Variants in LHFPL6 observed in about 807,000 individuals in gnomAD.
LHFPL6 encodes LHFPL tetraspan subfamily member 6, also known as LHFPL tetraspan subfamily member 6 protein.
Under a neutral mutation model 20.6 loss-of-function variants are expected in LHFPL6, and 9 were observed. The observed-to-expected ratio is 0.44, with a 90% CI of 0.26 to 0.76. The LOEUF (loss-of-function observed/expected upper bound fraction) is 0.76, where lower values mean the gene tolerates loss of function less well. Among genes scored for constraint, LHFPL6 ranks in the 30% least tolerant of loss-of-function variants. LHFPL6 has a pLI of 0.20. For missense variants in LHFPL6, 218 were observed against 253.5 expected, an observed-to-expected ratio of 0.86 and a Z score of 0.95; for synonymous variants, 105 against 98.7, an observed-to-expected ratio of 1.06 and a Z score of -0.38.
At chr13:39,495,464 A>T (rs1218131986) in intron 2 of LHFPL6, among the ~76,000 whole-genome samples, 3 of 152,194 alleles carry the variant, frequency 2.0e-5, no homozygotes, top group Admixed American at 1.3e-4. Flanking sequence ...TCATTGAGTG[A>T]TCACAATATT....
At chr13:39,441,687 A>AT (rs1284142292) in intron 2 of LHFPL6, among the ~76,000 whole-genome samples, 1 of 150,644 alleles carries the variant, frequency 6.6e-6, no homozygotes, top group Non-Finnish European at 1.5e-5. Context: ...TAATTACTGT[A>AT]TTTTTTTGTA....
At chr13:39,375,931 G>A (rs1366652541) in intron 3 of LHFPL6, among the ~76,000 whole-genome samples, 1 of 151,852 alleles carries the variant, frequency 6.6e-6, no homozygotes, top group Non-Finnish European at 1.5e-5. Flanking sequence ...AGAAACGCAT[G>A]ATCAGAAATG....
At chr13:39,448,283 T>G (rs1278960009) in intron 2 of LHFPL6, among the ~76,000 whole-genome samples, 1 of 152,212 alleles carries the variant, frequency 6.6e-6, no homozygotes, top group African/African-American at 2.4e-5. Context: ...ATCCTACATA[T>G]CATAATATAA....
chr13:39,457,604 T>G (rs1307689920), intron 2 of LHFPL6, among the ~76,000 whole-genome samples: 1 of 152,214 alleles, frequency 6.6e-6, no homozygotes, highest in Non-Finnish European at 1.5e-5. Context: ...ATTTACCATA[T>G]GACTCTGCAA....
intron 2 of LHFPL6, among the ~76,000 whole-genome samples, chr13:39,580,162 T>C (rs187053050): frequency 8.7e-4 from 133 of 152,126 alleles, no homozygotes; most frequent in African/African-American, 3.0e-3. Context: ...AATCAGACTA[T>C]AAACACATGA....
chr13:39,369,327 A>G (rs1870093684), intron 3 of LHFPL6, among the ~76,000 whole-genome samples: 1 of 152,172 alleles, frequency 6.6e-6, no homozygotes, highest in South Asian at 2.1e-4. Context: ...ACACTGAAAT[A>G]ACCAAGCCAA....
At chr13:39,543,432 C>T (rs969011287) in intron 2 of LHFPL6, among the ~76,000 whole-genome samples, 4 of 152,160 alleles carry the variant, frequency 2.6e-5, no homozygotes, top group Admixed American at 2.6e-4. Flanking sequence ...TTTATCCCAC[C>T]ATCTGTCATG....
intron 2 of LHFPL6, among the ~76,000 whole-genome samples, chr13:39,424,446 T>C (rs1356467714): frequency 1.3e-5 from 2 of 152,190 alleles, no homozygotes; most frequent in Non-Finnish European, 2.9e-5. Flanking sequence ...TGTCAGCAAC[T>C]GCGCCAGGAG....
At chr13:39,574,238 T>A (rs536965690) in intron 2 of LHFPL6, among the ~76,000 whole-genome samples, 13 of 152,244 alleles carry the variant, frequency 8.5e-5, no homozygotes, top group Non-Finnish European at 1.6e-4. Context: ...ATCCCAGCAC[T>A]TTGGGAGGCC....
chr13:39,425,357 A>G (rs553996000), intron 2 of LHFPL6, among the ~76,000 whole-genome samples: 40 of 152,316 alleles, frequency 2.6e-4, no homozygotes, highest in African/African-American at 8.9e-4. Flanking sequence ...ACTATTGCAA[A>G]CAAAGCTGCT....
At chr13:39,391,450 C>A (rs1228232102) in intron 2 of LHFPL6, among the ~76,000 whole-genome samples, 5 of 152,032 alleles carry the variant, frequency 3.3e-5, no homozygotes. Flanking sequence ...TATCATAGAG[C>A]TCTATGTTGT....
chr13:39,376,537 T>A (rs1461259842), intron 3 of LHFPL6, among the ~76,000 whole-genome samples: 3 of 152,236 alleles, frequency 2.0e-5, no homozygotes, highest in Non-Finnish European at 4.4e-5. Context: ...GGAAGTAGAG[T>A]GGTTGTCACC....
At chr13:39,592,263 A>G (rs1166659107) in intron 2 of LHFPL6, among the ~76,000 whole-genome samples, 2 of 152,206 alleles carry the variant, frequency 1.3e-5, no homozygotes, top group African/African-American at 4.8e-5. Flanking sequence ...GACAATTTGG[A>G]AACATCATTT....
At chr13:39,495,308 G>T (rs565938408) in intron 2 of LHFPL6, among the ~76,000 whole-genome samples, 1 of 152,230 alleles carries the variant, frequency 6.6e-6, no homozygotes, top group East Asian at 1.9e-4. Context: ...GGCTATATTT[G>T]CCATTTATAG....
intron 3 of LHFPL6, among the ~76,000 whole-genome samples, chr13:39,366,308 T>C (rs1870011575): frequency 6.6e-6 from 1 of 152,194 alleles, no homozygotes; most frequent in South Asian, 2.1e-4. Flanking sequence ...CCAATGAAAG[T>C]CCATTTTTAA....
intron 2 of LHFPL6, among the ~76,000 whole-genome samples, chr13:39,430,963 G>C (rs1871779763): frequency 6.6e-6 from 1 of 152,122 alleles, no homozygotes; most frequent in African/African-American, 2.4e-5. Context: ...TCTTGCTGCT[G>C]CTCACTCTTT....
At chr13:39,423,426 T>C (rs1361616120) in intron 2 of LHFPL6, among the ~76,000 whole-genome samples, 1 of 152,042 alleles carries the variant, frequency 6.6e-6, no homozygotes, top group East Asian at 1.9e-4. Flanking sequence ...AGGCTTCTTT[T>C]TTTTTTTATT....
intron 2 of LHFPL6, among the ~76,000 whole-genome samples, chr13:39,470,570 A>C (rs149217651): frequency 6.6e-6 from 1 of 152,298 alleles, no homozygotes; most frequent in African/African-American, 2.4e-5. Context: ...ATCGCATTTC[A>C]TCTATGCACA....
chr13:39,408,343 G>T (rs1429186847), intron 2 of LHFPL6, among the ~76,000 whole-genome samples: 1 of 152,182 alleles, frequency 6.6e-6, no homozygotes, highest in Non-Finnish European at 1.5e-5. Flanking sequence ...GAAGGCCAGG[G>T]AATTATTCCA....
Sources: gnomAD v4.1 joint callset for allele counts (sites outside exome capture counted in the v4.1 genomes callset) on GRCh38, gnomAD v4.1.1 for gene constraint, MANE v1.5 for transcripts, NCBI Gene and HGNC (gene_info 2026-07-23, HGNC 2026-07-21) for gene names.